RORA: variants seen among roughly 807,000 people sequenced by gnomAD.
RORA encodes the protein nuclear receptor ROR-alpha.
In RORA, 7 loss-of-function variants were observed where a neutral mutation model predicts 69.5. The ratio of observed to expected loss-of-function variants is 0.10; its 90% confidence interval spans 0.06 to 0.19. RORA has a LOEUF of 0.19. RORA is among the 10% of genes least tolerant of loss of function. The probability of loss-of-function intolerance (pLI) is 1.00; values close to 1 mark genes in which losing one functional copy is unlikely to be tolerated. For synonymous variants in RORA, 261 were observed against 240.8 expected, an observed-to-expected ratio of 1.08 and a Z score of -0.78; for missense variants, 457 against 663.0, an observed-to-expected ratio of 0.69 and a Z score of 3.41.
chr15:60,505,426 T>C, intron 6 of RORA, 82 bp downstream of exon 6: 1 of 1,352,876 alleles, frequency 7.4e-7, no homozygotes, highest in Non-Finnish European at 1.1e-6. Context: ...TTAGTCTGTG[T>C]GAACTCTTGA....
At chr15:60,837,817 C>T (rs1169585765) in intron 1 of RORA, among the ~76,000 whole-genome samples, 2 of 152,076 alleles carry the variant, frequency 1.3e-5, no homozygotes, top group African/African-American at 4.8e-5. Flanking sequence ...AAAACAAAAA[C>T]CTGGATATTT....
chr15:60,833,500 T>C (rs2073075979), intron 1 of RORA, among the ~76,000 whole-genome samples: 1 of 152,136 alleles, frequency 6.6e-6, no homozygotes, highest in African/African-American at 2.4e-5. Context: ...ACAGATTACA[T>C]CCCACCCGAT....
chr15:60,986,964 G>T (rs1398797031), intron 1 of RORA, among the ~76,000 whole-genome samples: 4 of 152,118 alleles, frequency 2.6e-5, no homozygotes, highest in Admixed American at 2.6e-4. Flanking sequence ...ATGTTTGTTT[G>T]TTCATTTTCT....
chr15:60,788,831 A>G (rs1253180193), intron 1 of RORA, among the ~76,000 whole-genome samples: 2 of 152,066 alleles, frequency 1.3e-5, no homozygotes, highest in Non-Finnish European at 2.9e-5. Context: ...GCTTAATAAC[A>G]TTTTCTCTCT....
At chr15:61,068,180 T>C (rs1354269370) in intron 1 of RORA, among the ~76,000 whole-genome samples, 3 of 152,252 alleles carry the variant, frequency 2.0e-5, no homozygotes, top group Admixed American at 1.3e-4. Flanking sequence ...TTGGTTCATA[T>C]GGATGCTCTT....
At position 60,488,771 on chromosome 15, in the gene RORA, T is replaced by G. The variant is rs920878616; in HGVS notation, c.*8684A>C. On this transcript the variant is annotated 3_prime_UTR_variant, in exon 11 of 11. Coordinates refer to ENST00000335670, the MANE Select transcript of RORA (RefSeq NM_134261.3). ...GGTACAGTATTACTGTTTCCAAACT[T>G]GCATGTATATTTACAGAAGGCTGAG... is the stretch of plus-strand genomic sequence containing the variant. 3.9e-5 allele frequency: 6 copies of G among 152,214 alleles called. No individual in the cohort carries two copies. The highest frequency in any genetic ancestry group is 1.4e-4 in the African/African-American group (6 of 41,446). 9.4% of individuals were successfully genotyped at this position (152,214 alleles called of 1,614,324 possible). A position where few individuals can be genotyped will look rare whatever the true frequency, so the allele number is the denominator to read the frequency against.
chr15:60,892,661 A>G (rs1382659707), intron 1 of RORA, among the ~76,000 whole-genome samples: 2 of 152,192 alleles, frequency 1.3e-5, no homozygotes, highest in Non-Finnish European at 2.9e-5. Flanking sequence ...TTGAAGCCAC[A>G]TTTTCCAACT....
intron 1 of RORA, among the ~76,000 whole-genome samples, chr15:61,137,087 G>GA (rs1410352358): frequency 1.4e-5 from 2 of 145,326 alleles, no homozygotes; most frequent in Non-Finnish European, 3.0e-5. Flanking sequence ...AAGAAAGAAA[G>GA]AAAGAAAGAA....
chr15:61,132,314 T>G (rs1394164214), intron 1 of RORA, among the ~76,000 whole-genome samples: 1 of 152,186 alleles, frequency 6.6e-6, no homozygotes, highest in Admixed American at 6.5e-5. Flanking sequence ...TTTGAATGAT[T>G]GATAAACCAT....
In RORA at chr15:60,838,450, G is replaced by GGTGTC. The variant is rs2073148023; in HGVS notation, c.167-159765_167-159764insGACAC. Among the ~76,000 whole-genome samples the GGTGTC allele has an allele frequency of 2.0e-5, 3 of 152,094 alleles. No homozygotes were observed. In the South Asian group the frequency reaches 6.2e-4, roughly 32 times the overall value. ...GGTATGCTGTCCAAGCAGACAGGCA[G>GGTGTC]CAGGTCACCGGGCCATGGGGCCAGC... is the stretch of plus-strand genomic sequence containing the variant. On this transcript the variant is annotated intron_variant, in intron 1 of 10. Transcript: ENST00000335670.
At position 60,497,306 on chromosome 15, in the gene RORA, C is replaced by T. The variant is rs2290431; in HGVS notation, c.*149G>A. 638 of 589,668 alleles carry T rather than the reference C, an allele frequency of 1.1e-3. 8 individuals carry two copies. The East Asian group carries it at 0.014, about 13-fold the overall frequency. The allele number at this position is 589,668 out of a possible 1,614,324, so 36.5% of individuals were successfully genotyped here. A position where few individuals can be genotyped will look rare whatever the true frequency, so the allele number is the denominator to read the frequency against. On this transcript the variant is annotated 3_prime_UTR_variant, in exon 11 of 11. Transcript: ENST00000335670. ...ACTTTTATTTGTTTTCATTGTTTCC[C>T]CTCCTTTGCCTGACCCCGATCACCA...
At chr15:60,954,260 G>A (rs1893198343) in intron 1 of RORA, among the ~76,000 whole-genome samples, 1 of 137,154 alleles carries the variant, frequency 7.3e-6, no homozygotes, top group Non-Finnish European at 1.5e-5. Context: ...CATGGACACA[G>A]GAAGGGGAAT....
At chr15:60,939,969 G>T (rs932282244) in intron 1 of RORA, among the ~76,000 whole-genome samples, 1 of 152,204 alleles carries the variant, frequency 6.6e-6, no homozygotes, top group African/African-American at 2.4e-5. Flanking sequence ...GGCCTATCCT[G>T]GTGGTAAATT....
chr15:60,652,458 C>T (rs899362456), intron 2 of RORA, among the ~76,000 whole-genome samples: 1 of 151,976 alleles, frequency 6.6e-6, no homozygotes, highest in African/African-American at 2.4e-5. Flanking sequence ...ACAGGTTTTG[C>T]GCATAAGCCG....
At chr15:60,628,287 T>C (rs2069645351) in intron 2 of RORA, among the ~76,000 whole-genome samples, 1 of 152,230 alleles carries the variant, frequency 6.6e-6, no homozygotes, top group Non-Finnish European at 1.5e-5. Flanking sequence ...TGAGGAGTAC[T>C]GGTCAGCAGT....
intron 5 of RORA, among the ~76,000 whole-genome samples, chr15:60,507,116 A>G (rs2065531719): frequency 6.6e-6 from 1 of 152,166 alleles, no homozygotes; most frequent in South Asian, 2.1e-4. Context: ...GCCAGGAACT[A>G]ACAATTTGGA....
chr15:61,199,135 T>C (rs928916021), intron 1 of RORA, among the ~76,000 whole-genome samples: 1 of 152,234 alleles, frequency 6.6e-6, no homozygotes, highest in Non-Finnish European at 1.5e-5. Context: ...CAAGTAGCTT[T>C]TGCATTTTAA....
intron 1 of RORA, chr15:61,181,219 C>T (rs909258426): frequency 4.6e-5 from 7 of 152,050 alleles, no homozygotes; most frequent in East Asian, 1.9e-4. Flanking sequence ...CATATGTTTC[C>T]GGCCCAGTCA....
chr15:60,827,542 G>A (rs2072982455), intron 1 of RORA, among the ~76,000 whole-genome samples: 1 of 152,214 alleles, frequency 6.6e-6, no homozygotes, highest in African/African-American at 2.4e-5. Context: ...CTCCTAAAGG[G>A]TATCCCTGAA....
Sources: gnomAD v4.1 joint callset for allele counts (sites outside exome capture counted in the v4.1 genomes callset) on GRCh38, gnomAD v4.1.1 for gene constraint, MANE v1.5 for transcripts, NCBI Gene and HGNC (gene_info 2026-07-23, HGNC 2026-07-21) for gene names.